VAV2: variants seen among roughly 807,000 people sequenced by gnomAD.
The protein encoded by VAV2 is vav guanine nucleotide exchange factor 2.
A neutral mutation model predicts 132.5 loss-of-function variants in VAV2; 67 were observed. The ratio of observed to expected loss-of-function variants is 0.51; its 90% confidence interval spans 0.42 to 0.62. The LOEUF is 0.62. Ranked by LOEUF, VAV2 falls within the 20% of genes least tolerant of loss-of-function variation. The pLI, the probability that VAV2 is intolerant of heterozygous loss-of-function variation, is 0.00. For synonymous variants in VAV2, 492 were observed against 443.5 expected (o/e 1.11, Z -1.37); for missense variants, 938 against 1,153.6 (o/e 0.81, Z 2.71).
Position 133,806,140 on chromosome 9 carries a change from G to A in VAV2, c.777C>T (p.Asp259=), listed in dbSNP as rs1342081307. ...KVHHSFLRAI[D]VSVMVGGSTL... is the part of the protein sequence containing the mutation. Reference sequence around the variant, plus strand: ...TGCTGCCCCCCACCATCACGGACACGTCGATGGCCCTCAGGAAGCTGTGAT... The same window carrying A: ...TGCTGCCCCCCACCATCACGGACACATCGATGGCCCTCAGGAAGCTGTGAT... Residue 259 remains aspartate, a synonymous_variant, in exon 9 of 30, where the codon GAC becomes GAT. Transcript: ENST00000371850. The A allele has an allele frequency of 4.3e-6, 7 of 1,612,884 alleles. No individual in the cohort carries two copies. The highest frequency in any genetic ancestry group is 4.5e-5 in the East Asian group (2 of 44,892).
chr9:133,790,166 A>G (rs1430217059), intron 13 of VAV2, among the ~76,000 whole-genome samples: 3 of 152,200 alleles, frequency 2.0e-5, no homozygotes, highest in East Asian at 1.9e-4. Context: ...CCTGCTGGCC[A>G]TGCTGTTTTA....
At chr9:133,812,948 G>C (rs1835414589) in intron 4 of VAV2, among the ~76,000 whole-genome samples, 1 of 152,172 alleles carries the variant, frequency 6.6e-6, no homozygotes, top group South Asian at 2.1e-4. Context: ...GCAGCTCCTT[G>C]GCTACATTTC....
At chr9:133,801,015 G>A (rs1005089960) in intron 9 of VAV2, among the ~76,000 whole-genome samples, 4 of 152,196 alleles carry the variant, frequency 2.6e-5, no homozygotes, top group African/African-American at 7.2e-5. Flanking sequence ...AGACTGCCCC[G>A]GGTGACCCCC....
chr9:133,990,977 G>A (rs1842996905), intron 1 of VAV2, among the ~76,000 whole-genome samples: 1 of 152,142 alleles, frequency 6.6e-6, no homozygotes, highest in Non-Finnish European at 1.5e-5. Context: ...CCTAGGAAAC[G>A]CAGTCACCGC....
intron 2 of VAV2, among the ~76,000 whole-genome samples, chr9:133,894,167 C>T (rs917548878): frequency 6.6e-6 from 1 of 152,368 alleles, no homozygotes; most frequent in Non-Finnish European, 1.5e-5. Context: ...ACTGCCACCA[C>T]CATGTCCGCT....
At chr9:133,947,525 C>G (rs992361191) in intron 1 of VAV2, among the ~76,000 whole-genome samples, 1 of 152,004 alleles carries the variant, frequency 6.6e-6, no homozygotes, top group African/African-American at 2.4e-5. Context: ...CATGGTGAAA[C>G]CTCGTCTCTA....
Position 133,804,669 on chromosome 9 carries a change from T to A in VAV2, c.836+1412A>T, listed in dbSNP as rs1835065514. 6.6e-6 allele frequency among the ~76,000 whole-genome samples: 1 copy of A among 152,164 alleles called. No homozygotes were observed. The highest frequency in any genetic ancestry group is 2.4e-5 in the African/African-American group (1 of 41,436). ...CCGAGGGACAGCATGAACAAGGCGC[T>A]GAAAAGGACCACTGTACCCCACACC... On this transcript the variant is annotated intron_variant, in intron 9 of 29. Transcript: ENST00000371850. This position sits in a 1 kb window ranked among gnomAD's most constrained non-coding sequence, Gnocchi z 4.5.
In VAV2 at chr9:133,794,469, G is replaced by A. The variant is rs575455510; in HGVS notation, c.1101+1199C>T. On this transcript the variant is annotated intron_variant, in intron 12 of 29. Coordinates refer to ENST00000371850, the MANE Select transcript of VAV2 (RefSeq NM_001134398.2). The surrounding 1 kb of genome is among the most constrained non-coding windows in gnomAD (Gnocchi z 4.6). The stretch of plus-strand genomic sequence containing the variant: ...CCTGCTCAGAGAACCTCTTAGCACC[G>A]GCGGCCAAGCACTGGCCCCACTCCC... Among the ~76,000 whole-genome samples, 7 of 152,158 alleles carry A rather than the reference G, an allele frequency of 4.6e-5. No homozygotes were observed. Among genetic ancestry groups the A allele is most frequent in the African/African-American group, 1.4e-4 (6 of 41,434 alleles).
intron 9 of VAV2, among the ~76,000 whole-genome samples, chr9:133,799,671 C>A (rs1331353570): frequency 6.6e-6 from 1 of 152,170 alleles, no homozygotes; most frequent in Non-Finnish European, 1.5e-5. Flanking sequence ...AACCTGCCCC[C>A]TGGTTACCAC....
At position 133,807,340 on chromosome 9, in the gene VAV2, G is replaced by A; in HGVS notation, c.667-14C>T. On this transcript the variant is annotated splice_polypyrimidine_tract_variant and intron_variant, in intron 7 of 29. Coordinates refer to ENST00000371850, the MANE Select transcript of VAV2 (RefSeq NM_001134398.2). ...GCTCATGTAGTTCTGGAAGAGAGAA[G>A]TCCACCTCTGCCACCCTGCTGCTGT... The A allele has an allele frequency of 6.2e-7, 1 of 1,601,600 alleles. No homozygotes were observed. The highest frequency in any genetic ancestry group is 1.1e-5 in the South Asian group (1 of 88,390).
In VAV2 at chr9:133,844,383, G is replaced by T. The variant is rs368864769; in HGVS notation, c.381-10043C>A. Among the ~76,000 whole-genome samples, 30 of 152,282 alleles carry T rather than the reference G, an allele frequency of 2.0e-4. 1 individual carries two copies. Among genetic ancestry groups the T allele is most frequent in the Admixed American group, 1.9e-3 (29 of 15,296 alleles). ...ACTCCATGCCAGCCCTCTTCCCAGG[G>T]AACACCTGCCCAGGCTTGGCAGGAA... On this transcript the variant is annotated intron_variant, in intron 3 of 29. Transcript: ENST00000371850.
intron 2 of VAV2, among the ~76,000 whole-genome samples, chr9:133,933,481 G>GTGGATGGA (rs111702861): frequency 4.7e-5 from 7 of 147,600 alleles, no homozygotes; most frequent in African/African-American, 1.7e-4. Flanking sequence ...GAATGGATGA[G>GTGGATGGA]TGGATGGATG....
At position 133,912,440 on chromosome 9, in the gene VAV2, G is replaced by A. The variant is rs1564459540; in HGVS notation, c.321+26663C>T. Among the ~76,000 whole-genome samples, 1 of 152,184 alleles carries A rather than the reference G, an allele frequency of 6.6e-6. No homozygotes were observed. Among genetic ancestry groups the A allele is most frequent in the East Asian group, 1.9e-4 (1 of 5,190 alleles). ...TGTGCCTAGATGAAGGAACCAGGAC[G>A]CAGTGGCGCTTTTCCATCTGTACCC... On this transcript the variant is annotated intron_variant, in intron 2 of 29. Transcript: ENST00000371850. The surrounding 1 kb of genome is among the most constrained non-coding windows in gnomAD (Gnocchi z 4.3).
intron 10 of VAV2, among the ~76,000 whole-genome samples, chr9:133,797,310 G>A (rs1834758299): frequency 6.7e-6 from 1 of 150,054 alleles, no homozygotes; most frequent in South Asian, 2.1e-4. Context: ...GTCAGTCAGA[G>A]CCCCCAGTTG....
chr9:133,939,543 TC>T (rs764828865), intron 1 of VAV2, among the ~76,000 whole-genome samples: 169 of 152,148 alleles, frequency 1.1e-3, no homozygotes, highest in Non-Finnish European at 1.7e-3. Context: ...GACACGCCAC[TC>T]CCCGTAACCG....
chr9:133,859,883 C>T (rs915808002), intron 3 of VAV2, among the ~76,000 whole-genome samples: 1 of 152,218 alleles, frequency 6.6e-6, no homozygotes, highest in Non-Finnish European at 1.5e-5. Context: ...CTGGTGGGGC[C>T]TCAGAGGCAT....
chr9:133,948,756 C>G (rs940105020), intron 1 of VAV2, among the ~76,000 whole-genome samples: 3 of 152,250 alleles, frequency 2.0e-5, no homozygotes, highest in Admixed American at 2.0e-4. Flanking sequence ...CCGCTGAGTC[C>G]GTGCCTGGCG....
In VAV2 at chr9:133,812,204, C is replaced by T. The variant is rs564135396; in HGVS notation, c.462G>A (p.Leu154=). The T allele has an allele frequency of 5.6e-6, 9 of 1,613,830 alleles. No individual in the cohort carries two copies. Among genetic ancestry groups the T allele is most frequent in the Non-Finnish European group, 7.6e-6 (9 of 1,180,002 alleles). The change falls in exon 5 of 30, where the codon CTG becomes CTA. Residue 154 remains leucine (L), a synonymous_variant. Transcript: ENST00000371850. ...GGACGCAGTCGTAGATGTCCTCCCC[C>T]AGGTCATGCTCGCTGCACAGGAGGA... ...SLEELADEHD[L]GEDIYDCVPC...
rs1485735737 is a variant in VAV2, at chr9:133,961,369, G to A, written c.205-22150C>T. The stretch of plus-strand genomic sequence containing the variant: ...CCATGGGCAGTGGAATGAGCAACGT[G>A]CAGTTTTGCACCCAGAAACTGGTCA... On this transcript the variant is annotated intron_variant, in intron 1 of 29. Transcript: ENST00000371850. The surrounding 1 kb of genome is among the most constrained non-coding windows in gnomAD (Gnocchi z 4.1). Among the ~76,000 whole-genome samples, 1 of 152,228 alleles carries A rather than the reference G, an allele frequency of 6.6e-6. No individual in the cohort carries two copies. The highest frequency in any genetic ancestry group is 1.9e-4 in the East Asian group (1 of 5,180).
Sources: allele counts gnomAD v4.1 joint callset (sites outside exome capture counted in the v4.1 genomes callset), GRCh38; gene constraint gnomAD v4.1.1; non-coding constraint Gnocchi (gnomAD v3.1); transcripts MANE v1.5; gene names NCBI Gene and HGNC (gene_info 2026-07-23, HGNC 2026-07-21).